Variants in MACROD2 observed in about 807,000 individuals in gnomAD.
MACROD2 encodes ADP-ribose glycohydrolase MACROD2.
A neutral mutation model predicts 70.4 loss-of-function variants in MACROD2; 36 were observed. The observed-to-expected ratio is 0.51, with a 90% CI of 0.39 to 0.68. The LOEUF (loss-of-function observed/expected upper bound fraction) is 0.68, where lower values mean the gene tolerates loss of function less well. MACROD2 is among the 30% of genes least tolerant of loss of function. The pLI is 0.00. For missense variants in MACROD2, 496 were observed against 538.4 expected (o/e 0.92, Z 0.78); for synonymous variants, 172 against 178.8 (o/e 0.96, Z 0.30).
rs2084627960 is a variant in MACROD2 at position 14,478,809 on chromosome 20, AG to A, written c.272-14668del. On this transcript the variant is annotated intron_variant, in intron 3 of 17. Coordinates refer to ENST00000684519, the MANE Select transcript of MACROD2 (RefSeq NM_001351661.2). ...CCTACTTTAGTGGGCAGTAGTTCTA[AG>A]GACAATTTAATTTTCCAAGATTTTT... 2.0e-5 allele frequency among the ~76,000 whole-genome samples: 3 copies of A among 152,176 alleles called. No homozygotes were observed. In the South Asian group the frequency reaches 6.2e-4, roughly 32 times the overall value.
intron 3 of MACROD2, among the ~76,000 whole-genome samples, chr20:14,346,011 G>A (rs559926668): frequency 1.6e-4 from 24 of 147,930 alleles, no homozygotes; most frequent in African/African-American, 4.5e-4. Context: ...GGAGAATGGC[G>A]TGAACCTGGG....
At chr20:15,240,791 G>T (rs2146004756) in intron 6 of MACROD2, among the ~76,000 whole-genome samples, 1 of 152,226 alleles carries the variant, frequency 6.6e-6, no homozygotes, top group East Asian at 1.9e-4. Context: ...TGGAATTACT[G>T]CTGTGATAAT....
At chr20:14,836,540 A>G (rs1309137345) in intron 5 of MACROD2, among the ~76,000 whole-genome samples, 1 of 152,072 alleles carries the variant, frequency 6.6e-6, no homozygotes, top group East Asian at 1.9e-4. Flanking sequence ...TCTTTAAAGT[A>G]GGAATCCTCC....
chr20:14,163,075 A>G (rs893096147), intron 3 of MACROD2, among the ~76,000 whole-genome samples: 1 of 152,020 alleles, frequency 6.6e-6, no homozygotes, highest in Non-Finnish European at 1.5e-5. Context: ...TCATGAGGGT[A>G]GATTTCATTC....
chr20:14,877,000 A>G (rs1237162380), intron 5 of MACROD2, among the ~76,000 whole-genome samples: 2 of 152,064 alleles, frequency 1.3e-5, no homozygotes, highest in Non-Finnish European at 2.9e-5. Flanking sequence ...TTCTGTGAAA[A>G]ATGATGTTGA....
intron 3 of MACROD2, among the ~76,000 whole-genome samples, chr20:14,280,258 G>A (rs534961407): frequency 5.9e-5 from 9 of 152,174 alleles, no homozygotes; most frequent in African/African-American, 2.2e-4. Context: ...TAGGCCAAAG[G>A]ATATCATAAT....
chr20:14,167,828 G>A (rs575857717), intron 3 of MACROD2, among the ~76,000 whole-genome samples: 4 of 152,030 alleles, frequency 2.6e-5, no homozygotes, highest in African/African-American at 4.8e-5. Context: ...AAAACTTTAC[G>A]AAGACTCTCC....
At chr20:14,061,774 G>A (rs1466833937) in intron 2 of MACROD2, among the ~76,000 whole-genome samples, 1 of 152,162 alleles carries the variant, frequency 6.6e-6, no homozygotes, top group African/African-American at 2.4e-5. Context: ...AGCTCGTGAA[G>A]ACACACTGAG....
intron 3 of MACROD2, chr20:14,323,200 C>T (rs138378793): frequency 3.9e-5 from 6 of 152,324 alleles, no homozygotes; most frequent in African/African-American, 4.8e-5. Flanking sequence ...ACTGCCTCCT[C>T]TTCAGACACC....
rs1289397769 is a variant in MACROD2 at position 14,941,999 on chromosome 20, G to A, written c.418+257040G>A. On this transcript the variant is annotated intron_variant, in intron 5 of 17. Transcript: ENST00000684519. ...TTTTTGCTACAGGTGGGGTTTCGCC[G>A]TGTTGTTCAGGCTGGTCTCAAACAC... Among the ~76,000 whole-genome samples the A allele has an allele frequency of 1.0e-4, 15 of 149,710 alleles. 1 individual carries two copies. The highest frequency in any genetic ancestry group is 2.1e-4 in the Non-Finnish European group (14 of 67,564).
chr20:14,959,260 T>C (rs1422473167), intron 5 of MACROD2, among the ~76,000 whole-genome samples: 1 of 152,012 alleles, frequency 6.6e-6, no homozygotes, highest in Non-Finnish European at 1.5e-5. Flanking sequence ...GCCTCCTGAG[T>C]AGCTAGGATT....
chr20:15,199,217 A>G (rs1002082710), intron 5 of MACROD2, among the ~76,000 whole-genome samples: 1 of 152,034 alleles, frequency 6.6e-6, no homozygotes, highest in Non-Finnish European at 1.5e-5. Flanking sequence ...TTAGCCAGGC[A>G]TGGTTGTGCA....
At chr20:15,083,047 T>C (rs1242333508) in intron 5 of MACROD2, among the ~76,000 whole-genome samples, 1 of 152,180 alleles carries the variant, frequency 6.6e-6, no homozygotes, top group African/African-American at 2.4e-5. Context: ...GAATCCCCAG[T>C]GTAAGGGCTG....
chr20:14,341,073 A>T (rs2083007930), intron 3 of MACROD2, among the ~76,000 whole-genome samples: 1 of 152,216 alleles, frequency 6.6e-6, no homozygotes. Flanking sequence ...GAACAATACA[A>T]TTCAGGTCTG....
At chr20:14,896,290 A>C (rs570401015) in intron 5 of MACROD2, among the ~76,000 whole-genome samples, 35 of 152,148 alleles carry the variant, frequency 2.3e-4, no homozygotes, top group Non-Finnish European at 4.0e-4. Context: ...GCGCAACTCT[A>C]TCTCAAAAAA....
At chr20:14,223,129 T>G (rs2081696167) in intron 3 of MACROD2, 1 of 152,248 alleles carries the variant, frequency 6.6e-6, no homozygotes, top group Non-Finnish European at 1.5e-5. Flanking sequence ...GGCTGTAGTG[T>G]GCTATCCCTT....
At chr20:15,306,425 C>T (rs1388571097) in intron 6 of MACROD2, among the ~76,000 whole-genome samples, 1 of 152,132 alleles carries the variant, frequency 6.6e-6, no homozygotes, top group Non-Finnish European at 1.5e-5. Flanking sequence ...TTAATCCTTC[C>T]AGTAGTCCTA....
chr20:14,255,612 C>G (rs889060829), intron 3 of MACROD2, among the ~76,000 whole-genome samples: 1 of 151,748 alleles, frequency 6.6e-6, no homozygotes, highest in Non-Finnish European at 1.5e-5. Flanking sequence ...GTGCAACACA[C>G]CAACATGGCA....
intron 6 of MACROD2, among the ~76,000 whole-genome samples, chr20:15,308,401 T>G (rs2077718658): frequency 6.6e-6 from 1 of 152,212 alleles, no homozygotes; most frequent in South Asian, 2.1e-4. Context: ...ATCATTCAAC[T>G]TGGATTAGCC....
Sources: allele counts gnomAD v4.1 joint callset (sites outside exome capture counted in the v4.1 genomes callset), GRCh38; gene constraint gnomAD v4.1.1; transcripts MANE v1.5; gene names NCBI Gene and HGNC (gene_info 2026-07-23, HGNC 2026-07-21).